Variants in CPSF1 observed in about 807,000 individuals in gnomAD.
CPSF1 encodes the protein cleavage and polyadenylation specific factor 1.
In CPSF1, 106 loss-of-function variants were observed where a neutral mutation model predicts 175.8. The ratio of observed to expected loss-of-function variants is 0.60; its 90% CI spans 0.52 to 0.71. CPSF1 has a LOEUF of 0.71. Ranked by LOEUF, CPSF1 falls within the 30% of genes least tolerant of loss-of-function variation. CPSF1 has a pLI of 0.00. For synonymous variants in CPSF1, 1,024 were observed against 858.3 expected (o/e 1.19, Z -3.37); for missense variants, 1,734 against 2,022.9 (o/e 0.86, Z 2.74).
At chr8:144,395,854 A>G (rs1820689599) in intron 26 of CPSF1, 1 of 515,516 alleles carries the variant, frequency 1.9e-6, no homozygotes, top group Admixed American at 3.3e-5. Context: ...CTGGGGACTG[A>G]AAACCAGGCA....
At chr8:144,402,493 C>G (rs1821274839) in intron 2 of CPSF1, among the ~76,000 whole-genome samples, 1 of 151,986 alleles carries the variant, frequency 6.6e-6, no homozygotes, top group Admixed American at 6.6e-5. Context: ...TTAGTAGAGA[C>G]AGGGTTTCAC....
chr8:144,394,450 C>T lies in CPSF1; in HGVS notation c.3673G>A (p.Ala1225Thr). 1 of 1,608,314 alleles carries T rather than the reference C, an allele frequency of 6.2e-7. No homozygotes were observed. The highest frequency in any genetic ancestry group is 8.5e-7 in the Non-Finnish European group (1 of 1,178,114). Residue 1225 changes from alanine (A) to threonine (T), a missense_variant, in exon 32 of 38, where the codon GCC (alanine) becomes ACC (threonine). Coordinates refer to ENST00000616140, the MANE Select transcript of CPSF1 (RefSeq NM_013291.3). ...MISVKNFILA[A>T]DVMKSISLLR... ...AGCGAAATGCTCTTCATGACGTCGGCTGCCAGGATGAAGTTCTTGACGCTG... is the reference window on the plus strand; with the variant it reads ...AGCGAAATGCTCTTCATGACGTCGGTTGCCAGGATGAAGTTCTTGACGCTG...
rs1488692520 is a variant in CPSF1 at position 144,401,300 on chromosome 8, A to G, written c.307-9T>C. 3.8e-6 allele frequency: 6 copies of G among 1,575,684 alleles called. No homozygotes were observed. The African/African-American group carries it at 6.8e-5, about 18-fold the overall frequency. On this transcript the variant is annotated splice_polypyrimidine_tract_variant and intron_variant, in intron 4 of 37. Transcript: ENST00000616140. ...TACTCCACCACAGACAGCTGCGGTC[A>G]GAGGGCACAGCCGTGGCTGCCGACT...
chr8:144,393,293 G>T lies in CPSF1; in HGVS notation c.*25C>A, dbSNP rs781793852. On this transcript the variant is annotated 3_prime_UTR_variant, in exon 38 of 38. Transcript: ENST00000616140. ...AAGGGGGTGGGAGGTAGTTCCGTGT[G>T]CTGGTGGTGACGGCATCCACGGGGC... 9 of 1,482,984 alleles carry T rather than the reference G, an allele frequency of 6.1e-6. No individual in the cohort carries two copies. Among genetic ancestry groups the T allele is most frequent in the African/African-American group, 1.4e-5 (1 of 71,428 alleles). 91.9% of individuals were successfully genotyped at this position (1,482,984 alleles called of 1,614,324 possible). A position where few individuals can be genotyped will look rare whatever the true frequency, so the allele number is the denominator to read the frequency against.
Position 144,394,096 on chromosome 8 carries a change from G to A in CPSF1, c.3859+17C>T, listed in dbSNP as rs782219092. ...CCCAGCCCCGGCCCAGGCAGAGGGG[G>A]TGGAGGAAGCACTCACCTTCGGGCA... On this transcript the variant is annotated intron_variant, in intron 34 of 37. Transcript: ENST00000616140. 22 of 1,612,020 alleles carry A rather than the reference G, an allele frequency of 1.4e-5. No individual in the cohort carries two copies. In the Admixed American group the frequency reaches 3.0e-4, roughly 22 times the overall value.
At position 144,395,089 on chromosome 8, in the gene CPSF1, C is replaced by A; in HGVS notation, c.3272+9G>T. On this transcript the variant is annotated intron_variant, in intron 29 of 37. Coordinates refer to ENST00000616140, the MANE Select transcript of CPSF1 (RefSeq NM_013291.3). ...TGGGCAGACCCCACCCCCGCCGGCC[C>A]AGCCTCACCTGGCATTGGGAATAGC... 1.2e-6 allele frequency: 2 copies of A among 1,607,552 alleles called. No individual in the cohort carries two copies. The highest frequency in any genetic ancestry group is 8.5e-7 in the Non-Finnish European group (1 of 1,176,424).
At chr8:144,409,212 C>T in intron 1 of CPSF1, 40 bp from the exon 2 acceptor site, 1 of 1,476,080 alleles carries the variant, frequency 6.8e-7, no homozygotes, top group South Asian at 1.3e-5. Context: ...CGGGGTCGCC[C>T]ACGCAGGAGC....
chr8:144,398,593 T>C lies in CPSF1; in HGVS notation c.1684A>G (p.Thr562Ala). 1 of 1,613,806 alleles carries C rather than the reference T, an allele frequency of 6.2e-7. No individual in the cohort carries two copies. The highest frequency in any genetic ancestry group is 1.3e-5 in the African/African-American group (1 of 75,020). ...GEGTEQEPST[T>A]PEADDDGRRH... ...CGGCCGTCGTCGTCTGCTTCAGGGG[T>C]GGTGCTGGGTTCCTGCTCTGTGCCC... Residue 562 changes from threonine (T) to alanine (A), a missense_variant, in exon 18 of 38, where the codon ACC (threonine) becomes GCC (alanine). Thr to Ala is a moderately conservative substitution (Grantham distance 58). Coordinates refer to ENST00000616140, the MANE Select transcript of CPSF1 (RefSeq NM_013291.3).
At chr8:144,407,712 A>AC (rs1427309938) in intron 2 of CPSF1, among the ~76,000 whole-genome samples, 1 of 150,616 alleles carries the variant, frequency 6.6e-6, no homozygotes, top group Non-Finnish European at 1.5e-5. Flanking sequence ...AGGAAAAACA[A>AC]AAAAAAAAAT....
chr8:144,398,920 C>A, intron 16 of CPSF1, 38 bp downstream of exon 16: 1 of 1,611,906 alleles, frequency 6.2e-7, no homozygotes, highest in Non-Finnish European at 8.5e-7. Context: ...CCACCCAGGT[C>A]CCACCAGGAG....
At chr8:144,400,132 C>CGGGGGGGGGGGGGG in intron 9 of CPSF1, 34 bp downstream of exon 9, 1 of 1,067,948 alleles carries the variant, frequency 9.4e-7, no homozygotes, top group Non-Finnish European at 1.3e-6. Flanking sequence ...AAGCCGTCCC[C>CGGGGGGGGGGGGGG]GGGCCCCCCC....
At chr8:144,402,371 G>A (rs1554867610) in intron 2 of CPSF1, among the ~76,000 whole-genome samples, 1 of 152,108 alleles carries the variant, frequency 6.6e-6, no homozygotes, top group Admixed American at 6.5e-5. Context: ...GCAGTGGCGT[G>A]ATCTTGGCTC....
In CPSF1 at chr8:144,397,618, C is replaced by T. The variant is rs1820851840; in HGVS notation, c.2254G>A (p.Gly752Ser). 1 of 1,534,206 alleles carries T rather than the reference C, an allele frequency of 6.5e-7. No homozygotes were observed. The highest frequency in any genetic ancestry group is 8.8e-7 in the Non-Finnish European group (1 of 1,136,738). ...DEEEMLYGDSGSLFSPSKEEA... is the reference protein window; with the variant it reads ...DEEEMLYGDSSSLFSPSKEEA... ...TCCTTGCTGGGGCTGAAGAGGGAGC[C>T]CGAATCCCCATACAGCATCTCCTCC... Residue 752 changes from glycine (G) to serine (S), a missense_variant, in exon 22 of 38, where the codon GGC becomes AGC. By Grantham distance (56) the Gly-to-Ser change is moderately conservative. Transcript: ENST00000616140.
chr8:144,396,164 C>T (rs1380603197), intron 26 of CPSF1, 184 bp downstream of exon 26: 6 of 662,912 alleles, frequency 9.1e-6, no homozygotes, highest in South Asian at 6.0e-5. Flanking sequence ...CCAACCACCC[C>T]TTTCCAGACC....
chr8:144,396,273 TCTC>T, intron 26 of CPSF1, 72 bp downstream of exon 26: 4 of 1,446,546 alleles, frequency 2.8e-6, no homozygotes, highest in African/African-American at 1.4e-5. Context: ...AATGGTCCCT[TCTC>T]CTGTCCCCTC....
chr8:144,400,896 AC>A (rs1821165302), intron 6 of CPSF1, 27 bp downstream of exon 6: 1 of 1,603,636 alleles, frequency 6.2e-7, no homozygotes, highest in Admixed American at 1.7e-5. Flanking sequence ...CCACCCCAGC[AC>A]CACAGCCTGC....
chr8:144,407,883 T>G (rs1303484759), intron 2 of CPSF1, among the ~76,000 whole-genome samples: 1 of 152,060 alleles, frequency 6.6e-6, no homozygotes, highest in Non-Finnish European at 1.5e-5. Flanking sequence ...GCTTCAGTCT[T>G]GGTGGGTGTC....
intron 21 of CPSF1, 28 bp from the exon 22 acceptor site, chr8:144,397,689 GCCTGCCA>G (rs1375115918): frequency 3.2e-6 from 5 of 1,561,668 alleles, no homozygotes; most frequent in Non-Finnish European, 4.4e-6. Context: ...GTCATGGGCG[GCCTGCCA>G]GCCCCAGGGA....
chr8:144,398,542 G>A lies in CPSF1; in HGVS notation c.1735C>T (p.Arg579Trp), dbSNP rs2116852057. 1.2e-6 allele frequency: 2 copies of A among 1,613,820 alleles called. No homozygotes were observed. Among genetic ancestry groups the A allele is most frequent in the Non-Finnish European group, 1.7e-6 (2 of 1,179,934 alleles). ...GRRHGFLILS[R>W]EDSTMILQTG... ...CCCCTCACCATGGTGGAGTCTTCCC[G>A]GCTCAGAATCAGGAATCCGTGTCTG... The change falls in exon 18 of 38, where the codon CGG becomes TGG. Residue 579 changes from arginine (R) to tryptophan (W), a missense_variant. Physicochemically the swap from Arg to Trp is moderately radical, Grantham distance 101. Transcript: ENST00000616140.
Sources: allele counts gnomAD v4.1 joint callset (sites outside exome capture counted in the v4.1 genomes callset), GRCh38; gene constraint gnomAD v4.1.1; transcripts MANE v1.5; gene names NCBI Gene and HGNC (gene_info 2026-07-23, HGNC 2026-07-21).